Variants in ARHGAP12 observed in about 807,000 individuals in gnomAD.
ARHGAP12 encodes Rho GTPase activating protein 12.
Under a neutral mutation model 108.6 loss-of-function variants are expected in ARHGAP12, and 64 were observed. The observed-to-expected ratio is 0.59, with a 90% CI of 0.48 to 0.73. ARHGAP12 has a LOEUF of 0.73. ARHGAP12 is among the 30% of genes least tolerant of loss of function. The pLI, the probability that ARHGAP12 is intolerant of heterozygous loss-of-function variation, is 0.00. For synonymous variants in ARHGAP12, 312 were observed against 337.2 expected, an observed-to-expected ratio of 0.93 and a Z score of 0.82; for missense variants, 940 against 1,005.9, an observed-to-expected ratio of 0.93 and a Z score of 0.89.
chr10:31,868,227 A>G (rs1367509732), intron 3 of ARHGAP12, among the ~76,000 whole-genome samples: 1 of 152,038 alleles, frequency 6.6e-6, no homozygotes, highest in East Asian at 1.9e-4. Context: ...ATCTGCCATC[A>G]GCAGGTCCAG....
chr10:31,842,908 T>C (rs1836322106), intron 7 of ARHGAP12, among the ~76,000 whole-genome samples: 1 of 152,142 alleles, frequency 6.6e-6, no homozygotes, highest in South Asian at 2.1e-4. Flanking sequence ...CATTAAAATT[T>C]ACCCGTTTTT....
rs1424944437 is a variant in ARHGAP12, at chr10:31,810,581, A to AT, written c.2050+67dup. ...ACTCAAAATCATAAAAATTCTAGGA[A>AT]TTTTGATGGCAAAACAAGAAGCTGG... On this transcript the variant is annotated intron_variant, in intron 16 of 19. Transcript: ENST00000344936. 32 of 1,126,198 alleles carry AT rather than the reference A, an allele frequency of 2.8e-5. No homozygotes were observed. In the East Asian group the frequency reaches 7.4e-4, roughly 26 times the overall value. The allele number at this position is 1,126,198 out of a possible 1,614,324, so 69.8% of individuals were successfully genotyped here.
At chr10:31,918,438 CAT>C (rs1839656359) in intron 1 of ARHGAP12, among the ~76,000 whole-genome samples, 1 of 151,874 alleles carries the variant, frequency 6.6e-6, no homozygotes, top group African/African-American at 2.4e-5. Flanking sequence ...TACAGTGGCT[CAT>C]ATCTGTAATC....
intron 13 of ARHGAP12, 30 bp downstream of exon 13, chr10:31,817,758 G>A: frequency 2.1e-6 from 3 of 1,443,428 alleles, no homozygotes; most frequent in Non-Finnish European, 2.8e-6. Context: ...CAGCTCTGAA[G>A]TAAAAATTTT....
At chr10:31,839,575 A>G in intron 8 of ARHGAP12, 62 bp downstream of exon 8, 1 of 1,426,328 alleles carries the variant, frequency 7.0e-7, no homozygotes, top group African/African-American at 1.4e-5. Flanking sequence ...GAGTAAATTA[A>G]CTTGCTAAAA....
At chr10:31,868,888 AG>A (rs1315080601) in intron 3 of ARHGAP12, among the ~76,000 whole-genome samples, 9 of 152,278 alleles carry the variant, frequency 5.9e-5, no homozygotes, top group Admixed American at 5.9e-4. Flanking sequence ...ACTGCACTCT[AG>A]CCTGGGTTTC....
At chr10:31,817,941 A>C (rs1283985270) in intron 12 of ARHGAP12, 55 bp from the exon 13 acceptor site, 2 of 1,215,058 alleles carry the variant, frequency 1.6e-6, no homozygotes, top group Non-Finnish European at 2.4e-6. Flanking sequence ...CTTTCAGCAA[A>C]ATACATGAAT....
chr10:31,886,436 T>G (rs960296397), intron 3 of ARHGAP12, among the ~76,000 whole-genome samples: 1 of 152,188 alleles, frequency 6.6e-6, no homozygotes, highest in Non-Finnish European at 1.5e-5. Flanking sequence ...ACACTGTGAC[T>G]TTGGCCTTTA....
intron 10 of ARHGAP12, among the ~76,000 whole-genome samples, chr10:31,829,215 G>A (rs1432830729): frequency 6.6e-6 from 1 of 152,090 alleles, no homozygotes; most frequent in Admixed American, 6.5e-5. Context: ...AGGACATTAT[G>A]CCAAGCAAAA....
At chr10:31,924,389 G>A (rs1839943956) in intron 1 of ARHGAP12, among the ~76,000 whole-genome samples, 3 of 151,804 alleles carry the variant, frequency 2.0e-5, no homozygotes, top group Admixed American at 6.6e-5. Flanking sequence ...GAGAAAACAC[G>A]AAAAAAAGCA....
chr10:31,808,422 A>G (rs1018251840), intron 19 of ARHGAP12: 23 of 382,952 alleles, frequency 6.0e-5, no homozygotes, highest in African/African-American at 4.0e-4. Flanking sequence ...TGTGCTAAGC[A>G]TTACATAAAT....
chr10:31,915,704 AC>A (rs1450737945), intron 1 of ARHGAP12, among the ~76,000 whole-genome samples: 3 of 152,210 alleles, frequency 2.0e-5, no homozygotes, highest in Non-Finnish European at 4.4e-5. Context: ...ATAATAAAAA[AC>A]ATACAGTGTT....
intron 4 of ARHGAP12, among the ~76,000 whole-genome samples, chr10:31,855,961 T>C (rs958576310): frequency 1.3e-5 from 2 of 152,162 alleles, no homozygotes; most frequent in Non-Finnish European, 2.9e-5. Context: ...GTTAAGATTA[T>C]TTTTGGCAAG....
chr10:31,852,699 A>T, intron 5 of ARHGAP12, 102 bp from the exon 6 acceptor site: 1 of 727,782 alleles, frequency 1.4e-6, no homozygotes, highest in Non-Finnish European at 2.3e-6. Flanking sequence ...ATTTTATTCT[A>T]CTTGATCAAG....
In ARHGAP12 at chr10:31,854,126, C is replaced by A. The variant is rs1428158597; in HGVS notation, c.1029G>T (p.Trp343Cys). ...GCCCACGTTCATCCAACTCTTCTGA[C>A]CAACCCCTTGGAGGAGAACCACACT... is the stretch of plus-strand genomic sequence containing the variant. ...DSQCGSPPRGWSEELDERGHT... is the reference protein window; with the variant it reads ...DSQCGSPPRGCSEELDERGHT... The change falls in exon 5 of 20, where the codon TGG becomes TGT. Residue 343 changes from tryptophan (W) to cysteine (C), a missense_variant. Physicochemically the swap from Trp to Cys is radical, Grantham distance 215. Transcript: ENST00000344936. 6.2e-7 allele frequency: 1 copy of A among 1,613,886 alleles called. No individual in the cohort carries two copies. The highest frequency in any genetic ancestry group is 1.1e-5 in the South Asian group (1 of 91,052).
At chr10:31,920,449 CAAAAAAAAAAAAA>C (rs71027040) in intron 1 of ARHGAP12, among the ~76,000 whole-genome samples, 2 of 59,614 alleles carry the variant, frequency 3.4e-5, no homozygotes, top group Admixed American at 2.3e-4. Context: ...GACTCCGTCT[CAAAAAAAAAAAAA>C]AAAAAAAAAG....
chr10:31,873,577 G>C (rs1837617341), intron 3 of ARHGAP12, among the ~76,000 whole-genome samples: 1 of 152,182 alleles, frequency 6.6e-6, no homozygotes, highest in Non-Finnish European at 1.5e-5. Context: ...CTCCCACTAA[G>C]TTGTAAGCCC....
At chr10:31,820,362 T>C (rs1183142992) in intron 12 of ARHGAP12, 25 bp downstream of exon 12, 1 of 1,556,398 alleles carries the variant, frequency 6.4e-7, no homozygotes, top group Non-Finnish European at 8.8e-7. Flanking sequence ...TTAGAATGTG[T>C]TATACTTAGA....
intron 9 of ARHGAP12, among the ~76,000 whole-genome samples, chr10:31,834,001 A>G (rs1018713495): frequency 6.6e-6 from 1 of 152,144 alleles, no homozygotes; most frequent in African/African-American, 2.4e-5. Flanking sequence ...AAAGACCTGA[A>G]TGTGGTGGCA....
Sources: allele counts gnomAD v4.1 joint callset (sites outside exome capture counted in the v4.1 genomes callset), GRCh38; gene constraint gnomAD v4.1.1; transcripts MANE v1.5; gene names NCBI Gene and HGNC (gene_info 2026-07-23, HGNC 2026-07-21).